TNFSF4: variants seen among roughly 807,000 people sequenced by gnomAD.
TNFSF4 encodes the protein TNF superfamily member 4.
TNFSF4 carries 4 observed loss-of-function variants against 7.3 expected under a neutral mutation model. That is an observed-to-expected ratio of 0.55 (90% CI 0.27 to 1.25). The LOEUF is 1.25. Ranked by LOEUF, TNFSF4 falls within the 50% of genes most tolerant of loss-of-function variation. The pLI is 0.12. For synonymous variants in TNFSF4, 76 were observed against 83.7 expected, an observed-to-expected ratio of 0.91 and a Z score of 0.50; for missense variants, 181 against 208.8, an observed-to-expected ratio of 0.87 and a Z score of 0.82.
the TNFSF4 span, among the ~76,000 whole-genome samples, chr1:173,398,422 T>C: frequency 1.7e-4 from 26 of 148,966 alleles, no homozygotes; most frequent in Non-Finnish European, 3.3e-4. Flanking sequence ...TTTTTTTTTT[T>C]TTTTTTTTTG....
chr1:173,205,005 A>C (rs1346882821), intron 1 of TNFSF4, among the ~76,000 whole-genome samples: 1 of 152,048 alleles, frequency 6.6e-6, no homozygotes, highest in East Asian at 1.9e-4. Flanking sequence ...AAACACACAC[A>C]ACCCATCTAT....
At chr1:173,431,080 A>C in the TNFSF4 span, among the ~76,000 whole-genome samples, 1 of 152,322 alleles carries the variant, frequency 6.6e-6, no homozygotes, top group Admixed American at 6.5e-5. Context: ...AGTTTTCCTC[A>C]TTGCCATCCT....
the TNFSF4 span, among the ~76,000 whole-genome samples, chr1:173,219,273 G>A: frequency 3.3e-5 from 5 of 152,104 alleles, no homozygotes; most frequent in Admixed American, 2.0e-4. Context: ...CATAAGGGTG[G>A]TTATCTCGAG....
At chr1:173,179,942 A>C (rs1382078943), downstream of TNFSF4, among the ~76,000 whole-genome samples, 1 of 152,196 alleles carries the variant, frequency 6.6e-6, no homozygotes, top group Non-Finnish European at 1.5e-5. Context: ...CCTTGCCAAC[A>C]GTTCACAGAG....
At chr1:173,197,194 G>T (rs1205398923) in intron 1 of TNFSF4, among the ~76,000 whole-genome samples, 3 of 152,166 alleles carry the variant, frequency 2.0e-5, no homozygotes, top group Non-Finnish European at 4.4e-5. Flanking sequence ...GGTGAGGTTG[G>T]AGAGAAAAAG....
chr1:173,346,430 A>G, the TNFSF4 span, among the ~76,000 whole-genome samples: 12 of 152,252 alleles, frequency 7.9e-5, no homozygotes, highest in African/African-American at 2.6e-4. Context: ...AAATAAACCC[A>G]CTGAAGGACC....
chr1:173,353,706 A>T, the TNFSF4 span, among the ~76,000 whole-genome samples: 3 of 152,330 alleles, frequency 2.0e-5, 1 homozygote, highest in South Asian at 6.2e-4. Context: ...TCTGTAGAGT[A>T]AAAAAATCTG....
chr1:173,378,539 T>C, the TNFSF4 span, among the ~76,000 whole-genome samples: 1 of 152,192 alleles, frequency 6.6e-6, no homozygotes. Flanking sequence ...CTCATTTTTT[T>C]CTGCACTATG....
At chr1:173,180,216 T>C (rs1403565168), downstream of TNFSF4, among the ~76,000 whole-genome samples, 2 of 152,224 alleles carry the variant, frequency 1.3e-5, no homozygotes, top group African/African-American at 2.4e-5. Flanking sequence ...TTATTCCTGA[T>C]ATATTTCAGA....
At chr1:173,438,861 T>C in the TNFSF4 span, among the ~76,000 whole-genome samples, 1 of 152,228 alleles carries the variant, frequency 6.6e-6, no homozygotes, top group African/African-American at 2.4e-5. Flanking sequence ...AGTTCAGAGC[T>C]CTTTGCACAA....
the TNFSF4 span, among the ~76,000 whole-genome samples, chr1:173,290,675 G>A: frequency 1.1e-4 from 17 of 152,106 alleles, no homozygotes; most frequent in South Asian, 3.3e-3. Context: ...GCAGATCATC[G>A]AGACAGAAAA....
chr1:173,190,545 G>A (rs1343907372), intron 1 of TNFSF4, among the ~76,000 whole-genome samples: 6 of 152,250 alleles, frequency 3.9e-5, no homozygotes, highest in Non-Finnish European at 8.8e-5. Flanking sequence ...TGAGCACATG[G>A]AGAGAGGCAC....
At chr1:173,203,909 A>C (rs909326027) in intron 1 of TNFSF4, among the ~76,000 whole-genome samples, 1 of 152,172 alleles carries the variant, frequency 6.6e-6, no homozygotes, top group African/African-American at 2.4e-5. Flanking sequence ...TGACAATTTA[A>C]GTGGATGTCC....
the TNFSF4 span, among the ~76,000 whole-genome samples, chr1:173,443,489 G>A: frequency 1.3e-5 from 2 of 152,048 alleles, no homozygotes; most frequent in Non-Finnish European, 1.5e-5. Context: ...AGATTTTCAA[G>A]ATATATTATT....
chr1:173,366,801 T>C, the TNFSF4 span, among the ~76,000 whole-genome samples: 1 of 151,628 alleles, frequency 6.6e-6, no homozygotes, highest in African/African-American at 2.4e-5. Context: ...TTAAAATATA[T>C]ATATGTCCTA....
chr1:173,366,036 A>T, the TNFSF4 span, among the ~76,000 whole-genome samples: 2 of 152,212 alleles, frequency 1.3e-5, no homozygotes, highest in African/African-American at 2.4e-5. Context: ...TGGGAATGTA[A>T]ATTAGTAAAA....
chr1:173,408,292 G>T, the TNFSF4 span, among the ~76,000 whole-genome samples: 1 of 152,148 alleles, frequency 6.6e-6, no homozygotes. Context: ...GATAGGAACA[G>T]GCAAGAAAAT....
the TNFSF4 span, among the ~76,000 whole-genome samples, chr1:173,383,174 T>C: frequency 3.3e-5 from 5 of 152,160 alleles, no homozygotes; most frequent in Admixed American, 1.3e-4. Flanking sequence ...AGGATGTAAC[T>C]AAACATCTTA....
chr1:173,403,136 G>C, the TNFSF4 span, among the ~76,000 whole-genome samples: 1 of 152,158 alleles, frequency 6.6e-6, no homozygotes. Context: ...ACAGGCATGA[G>C]CCACCACACC....
Sources: gnomAD v4.1 joint callset for allele counts (sites outside exome capture counted in the v4.1 genomes callset) on GRCh38, gnomAD v4.1.1 for gene constraint, MANE v1.5 for transcripts, NCBI Gene and HGNC (gene_info 2026-07-23, HGNC 2026-07-21) for gene names.